Variants in VPS26A observed in about 807,000 individuals in gnomAD.
The protein encoded by VPS26A is vacuolar protein sorting-associated protein 26A.
VPS26A carries 22 observed loss-of-function variants against 42.4 expected under a neutral mutation model. That is an observed-to-expected ratio of 0.52 (90% CI 0.37 to 0.74). The LOEUF is 0.74. Ranked by LOEUF, VPS26A falls within the 30% of genes least tolerant of loss-of-function variation. The pLI, the probability that VPS26A is intolerant of heterozygous loss-of-function variation, is 0.00. For missense variants in VPS26A, 276 were observed against 379.2 expected (o/e 0.73, Z 2.26); for synonymous variants, 110 against 123.5 (o/e 0.89, Z 0.73).
Position 69,162,373 on chromosome 10 carries a change from T to C in VPS26A, c.552-33T>C, listed in dbSNP as rs767810051. ...TCACTGTTTTTGCTTGTTTTTAAAC[T>C]GATATTTAGTGAGATATGTTCTTCC... On this transcript the variant is annotated intron_variant, in intron 5 of 8. Coordinates refer to ENST00000263559, the MANE Select transcript of VPS26A (RefSeq NM_004896.5). The C allele has an allele frequency of 7.9e-6, 9 of 1,138,040 alleles. No individual in the cohort carries two copies. The South Asian group carries it at 1.2e-4, about 16-fold the overall frequency. The allele number at this position is 1,138,040 out of a possible 1,614,324, so 70.5% of individuals were successfully genotyped here.
intron 5 of VPS26A, 107 bp downstream of exon 5, chr10:69,158,318 TAAC>T: frequency 1.0e-6 from 1 of 961,074 alleles, no homozygotes; most frequent in East Asian, 3.0e-5. Context: ...AATCTGATGT[TAAC>T]AAATCAACAG....
intron 1 of VPS26A, among the ~76,000 whole-genome samples, chr10:69,131,225 C>T (rs1454702777): frequency 6.6e-6 from 1 of 152,192 alleles, no homozygotes; most frequent in African/African-American, 2.4e-5. Context: ...AGTGATCTGC[C>T]TGCCTTGGTC....
chr10:69,125,489 A>G (rs1161770212), intron 1 of VPS26A, among the ~76,000 whole-genome samples: 2 of 152,242 alleles, frequency 1.3e-5, no homozygotes. Flanking sequence ...GACAGATACT[A>G]AGAAGGAAGT....
chr10:69,128,666 T>C (rs1366787116), intron 1 of VPS26A, among the ~76,000 whole-genome samples: 1 of 152,112 alleles, frequency 6.6e-6, no homozygotes, highest in Non-Finnish European at 1.5e-5. Flanking sequence ...ATTTTTCTTT[T>C]AAGTAGCTCT....
intron 2 of VPS26A, among the ~76,000 whole-genome samples, chr10:69,151,953 TTAAG>T (rs1330584979): frequency 2.0e-5 from 3 of 152,228 alleles, no homozygotes. Context: ...TTAAGCCTGT[TTAAG>T]TACTACTTTT....
At chr10:69,167,709 C>T (rs1389602660) in intron 7 of VPS26A, among the ~76,000 whole-genome samples, 4 of 135,410 alleles carry the variant, frequency 3.0e-5, no homozygotes, top group African/African-American at 1.1e-4. Flanking sequence ...CACCATTGCA[C>T]TCCGGCCTGG....
At chr10:69,167,684 A>G (rs1036418204) in intron 7 of VPS26A, among the ~76,000 whole-genome samples, 1 of 145,402 alleles carries the variant, frequency 6.9e-6, no homozygotes, top group Non-Finnish European at 1.5e-5. Context: ...TGGAGGTTGC[A>G]CTGACCCGAG....
At chr10:69,132,216 A>AAGGTAATT (rs1288731482) in intron 1 of VPS26A, among the ~76,000 whole-genome samples, 1 of 152,178 alleles carries the variant, frequency 6.6e-6, no homozygotes, top group Admixed American at 6.5e-5. Flanking sequence ...AGTATAAATA[A>AAGGTAATT]AGGTAATTTT....
intron 2 of VPS26A, among the ~76,000 whole-genome samples, chr10:69,142,865 A>G (rs1841074227): frequency 6.6e-6 from 1 of 152,230 alleles, no homozygotes; most frequent in African/African-American, 2.4e-5. Flanking sequence ...TGGTGACCAT[A>G]CCAGACAAAT....
At position 69,168,637 on chromosome 10, in the gene VPS26A, G is replaced by A. The variant is rs376623955; in HGVS notation, c.870+6G>A. ...GGAGGTACTTCAAACAGCAGGTATGGTGCCACTTGGGCTGGTATTATGTTC... is the reference window on the plus strand; with the variant it reads ...GGAGGTACTTCAAACAGCAGGTATGATGCCACTTGGGCTGGTATTATGTTC... On this transcript the variant is annotated splice_donor_region_variant and intron_variant, in intron 8 of 8. Coordinates refer to ENST00000263559, the MANE Select transcript of VPS26A (RefSeq NM_004896.5). 2.5e-6 allele frequency: 4 copies of A among 1,612,420 alleles called. No individual in the cohort carries two copies. Among genetic ancestry groups the A allele is most frequent in the Admixed American group, 1.7e-5 (1 of 59,748 alleles).
chr10:69,138,007 A>T (rs145501673), intron 2 of VPS26A, among the ~76,000 whole-genome samples: 32 of 152,260 alleles, frequency 2.1e-4, no homozygotes, highest in Middle Eastern at 6.8e-3. Context: ...ATGCTGTACC[A>T]TTAGCAGTCA....
chr10:69,131,723 ACT>A (rs986568549), intron 1 of VPS26A, among the ~76,000 whole-genome samples: 2 of 151,240 alleles, frequency 1.3e-5, no homozygotes, highest in African/African-American at 4.9e-5. Flanking sequence ...ACAGAGCAAG[ACT>A]CTGTCTCAAA....
Position 69,166,073 on chromosome 10 carries a change from C to T in VPS26A, c.690C>T (p.Ile230=), listed in dbSNP as rs1841681428. The change falls in exon 7 of 9, where the codon ATC becomes ATT. Residue 230 remains isoleucine (I), a synonymous_variant. Transcript: ENST00000263559. The stretch of plus-strand genomic sequence containing the variant: ...GTACCACAACAGAAACAGAAACAAT[C>T]GCCAAATATGAAATAATGGATGGTG... ...GPSTTTETET[I]AKYEIMDGAP... 6 of 1,613,930 alleles carry T rather than the reference C, an allele frequency of 3.7e-6. No individual in the cohort carries two copies. The highest frequency in any genetic ancestry group is 2.5e-6 in the Non-Finnish European group (3 of 1,179,920).
chr10:69,130,724 A>G (rs1840756201), intron 1 of VPS26A, among the ~76,000 whole-genome samples: 1 of 152,192 alleles, frequency 6.6e-6, no homozygotes, highest in South Asian at 2.1e-4. Flanking sequence ...CCTGACCTGT[A>G]ACACCATAAT....
At chr10:69,155,729 A>G (rs936588776) in intron 2 of VPS26A, 83 bp from the exon 3 acceptor site, 25 of 957,454 alleles carry the variant, frequency 2.6e-5, no homozygotes, top group Non-Finnish European at 3.4e-5. Flanking sequence ...AAATATTTAT[A>G]TATTGCATTC....
At chr10:69,151,274 A>AAAAAAAAACAACAAC (rs1841304562) in intron 2 of VPS26A, among the ~76,000 whole-genome samples, 1 of 90,108 alleles carries the variant, frequency 1.1e-5, no homozygotes, top group African/African-American at 3.2e-5. Flanking sequence ...CAAAAAAAAA[A>AAAAAAAAACAACAAC]AAAAAAAAAC....
At chr10:69,149,092 C>T (rs905076571) in intron 2 of VPS26A, among the ~76,000 whole-genome samples, 1 of 150,296 alleles carries the variant, frequency 6.7e-6, no homozygotes, top group Non-Finnish European at 1.5e-5. Flanking sequence ...TTTTTTTTTA[C>T]GTTCATTTTA....
At chr10:69,156,445 A>G (rs1248078107) in intron 3 of VPS26A, among the ~76,000 whole-genome samples, 2 of 152,128 alleles carry the variant, frequency 1.3e-5, no homozygotes, top group Non-Finnish European at 1.5e-5. Flanking sequence ...AAAAGAAAAT[A>G]TGTCTTTATA....
rs983800359 is a variant in VPS26A at position 69,149,755 on chromosome 10, T to G, written c.154-6057T>G. Among the ~76,000 whole-genome samples, 201 of 98,360 alleles carry G rather than the reference T, an allele frequency of 2.0e-3. 5 individuals carry two copies. The highest frequency in any genetic ancestry group is 3.5e-3 in the Non-Finnish European group (161 of 45,494). The allele number at this position is 98,360 out of a possible 152,430, so 64.5% of individuals were successfully genotyped here. ...TTTTGTTTTTTTTTTTTTTTTTTTT[T>G]TTTTTTTTTGAGATGGAGTCTTCGT... is the stretch of plus-strand genomic sequence containing the variant. On this transcript the variant is annotated intron_variant, in intron 2 of 8. Transcript: ENST00000263559.
Sources: gnomAD v4.1 joint callset for allele counts (sites outside exome capture counted in the v4.1 genomes callset) on GRCh38, gnomAD v4.1.1 for gene constraint, MANE v1.5 for transcripts, NCBI Gene and HGNC (gene_info 2026-07-23, HGNC 2026-07-21) for gene names.